The following PHACTR1 variants were observed in gnomAD, a reference collection of about 807,000 sequenced individuals.
PHACTR1 encodes the protein phosphatase and actin regulator 1.
PHACTR1 carries 16 observed loss-of-function variants against 69.2 expected under a neutral mutation model. The ratio of observed to expected loss-of-function variants is 0.23; its 90% confidence interval spans 0.16 to 0.35. The LOEUF (loss-of-function observed/expected upper bound fraction) is 0.35, where lower values mean the gene tolerates loss of function less well. Ranked by LOEUF, PHACTR1 falls within the 10% of genes least tolerant of loss-of-function variation. The pLI, the probability that PHACTR1 is intolerant of heterozygous loss-of-function variation, is 1.00. For missense variants in PHACTR1, 510 were observed against 734.7 expected (o/e 0.69, Z 3.54); for synonymous variants, 312 against 284.5 (o/e 1.10, Z -0.97).
At position 13,179,512 on chromosome 6, in the gene PHACTR1, T is replaced by C. The variant is rs2113700276; in HGVS notation, c.497-3007T>C. ...GTGGCAGTATTACTCCATCCTTAAA[T>C]GAATCCAAGTAAAATAGTTTTTACT... On this transcript the variant is annotated intron_variant, in intron 6 of 14. Transcript: ENST00000332995. The surrounding 1 kb of genome is among the most constrained non-coding windows in gnomAD (Gnocchi z 4.2). Among the ~76,000 whole-genome samples the C allele has an allele frequency of 6.6e-6, 1 of 151,990 alleles. No individual in the cohort carries two copies. Among genetic ancestry groups the C allele is most frequent in the African/African-American group, 2.4e-5 (1 of 41,448 alleles).
At chr6:13,215,001 C>T (rs1767450715) in intron 8 of PHACTR1, among the ~76,000 whole-genome samples, 1 of 152,172 alleles carries the variant, frequency 6.6e-6, no homozygotes, top group East Asian at 1.9e-4. Context: ...CTACCTCTTC[C>T]TGTCCCAAAG....
chr6:12,982,171 T>C (rs140548439), intron 4 of PHACTR1, among the ~76,000 whole-genome samples: 250 of 152,320 alleles, frequency 1.6e-3, no homozygotes, highest in African/African-American at 5.7e-3. Flanking sequence ...ATCCTCATTC[T>C]TAGGCTTTCC....
chr6:13,183,831 T>C (rs1762495778), intron 7 of PHACTR1, among the ~76,000 whole-genome samples: 2 of 152,206 alleles, frequency 1.3e-5, no homozygotes, highest in Admixed American at 1.3e-4. Context: ...AAATCTGTCA[T>C]TCCAGCAGAA....
At chr6:13,073,814 G>A (rs1228472053) in intron 5 of PHACTR1, among the ~76,000 whole-genome samples, 1 of 151,904 alleles carries the variant, frequency 6.6e-6, no homozygotes, top group Non-Finnish European at 1.5e-5. Flanking sequence ...TATCCCATAG[G>A]CAGTAGGTCA....
chr6:13,145,994 T>G (rs920462096), intron 5 of PHACTR1, among the ~76,000 whole-genome samples: 1 of 152,222 alleles, frequency 6.6e-6, no homozygotes, highest in Non-Finnish European at 1.5e-5. Context: ...GCAGATCTGC[T>G]TGACAAACTG....
intron 5 of PHACTR1, among the ~76,000 whole-genome samples, chr6:13,095,535 T>C (rs921103583): frequency 6.6e-6 from 1 of 151,862 alleles, no homozygotes; most frequent in South Asian, 2.1e-4. Context: ...AAAAAAAAAA[T>C]ATGTATTGTG....
chr6:12,734,752 G>A (rs866145184), intron 3 of PHACTR1, among the ~76,000 whole-genome samples: 5 of 152,280 alleles, frequency 3.3e-5, no homozygotes, highest in Middle Eastern at 6.8e-3. Context: ...GATGGGCGGA[G>A]TTTAGATATG....
chr6:13,002,782 T>C (rs1283472083), intron 4 of PHACTR1, among the ~76,000 whole-genome samples: 1 of 152,226 alleles, frequency 6.6e-6, no homozygotes, highest in Non-Finnish European at 1.5e-5. Context: ...GCAAATATGA[T>C]AATATGCCCT....
intron 4 of PHACTR1, among the ~76,000 whole-genome samples, chr6:12,963,944 C>T (rs1478784355): frequency 2.0e-5 from 3 of 152,128 alleles, no homozygotes; most frequent in Non-Finnish European, 2.9e-5. Flanking sequence ...TTAGGACAAA[C>T]GTTCAGAAAC....
At chr6:12,743,648 A>C (rs1011424537) in intron 3 of PHACTR1, among the ~76,000 whole-genome samples, 2 of 152,186 alleles carry the variant, frequency 1.3e-5, no homozygotes, top group African/African-American at 4.8e-5. Flanking sequence ...GAGCACCCAG[A>C]TTCATAAAGC....
intron 4 of PHACTR1, among the ~76,000 whole-genome samples, chr6:12,887,272 T>G (rs77728505): frequency 6.6e-6 from 1 of 152,182 alleles, no homozygotes; most frequent in Admixed American, 6.5e-5. Context: ...AAAGGAAGAA[T>G]GGAGGGACTT....
chr6:13,273,564 G>C (rs988694026), intron 11 of PHACTR1: 2 of 151,486 alleles, frequency 1.3e-5, no homozygotes, highest in East Asian at 1.9e-4. Context: ...AGAGACATTT[G>C]AATATGTACA....
chr6:13,285,898 GAA>G (rs1280731663), intron 13 of PHACTR1, among the ~76,000 whole-genome samples: 1 of 152,178 alleles, frequency 6.6e-6, no homozygotes, highest in Admixed American at 6.5e-5. Context: ...ACAGCTCTAT[GAA>G]AAGAGGAAGA....
chr6:12,884,377 G>C (rs1029186225), intron 4 of PHACTR1, among the ~76,000 whole-genome samples: 2 of 151,888 alleles, frequency 1.3e-5, no homozygotes, highest in African/African-American at 2.4e-5. Context: ...GTTCAGTCCA[G>C]ACAAGTACAT....
At chr6:13,133,495 C>G (rs1271693302) in intron 5 of PHACTR1, among the ~76,000 whole-genome samples, 1 of 152,024 alleles carries the variant, frequency 6.6e-6, no homozygotes, top group South Asian at 2.1e-4. Context: ...CGGGGTTTCG[C>G]CGTGTTGGCC....
At chr6:12,816,185 A>G (rs545719619) in intron 4 of PHACTR1, among the ~76,000 whole-genome samples, 3 of 152,358 alleles carry the variant, frequency 2.0e-5, no homozygotes, top group Admixed American at 6.5e-5. Context: ...CATTAACGTA[A>G]AGAAGCTGTT....
intron 4 of PHACTR1, among the ~76,000 whole-genome samples, chr6:12,847,733 T>G (rs912086176): frequency 6.6e-6 from 1 of 152,122 alleles, no homozygotes; most frequent in South Asian, 2.1e-4. Flanking sequence ...GGTAATAAAC[T>G]ATTTAAAAAG....
intron 6 of PHACTR1, among the ~76,000 whole-genome samples, chr6:13,180,986 G>C (rs1369974676): frequency 6.6e-6 from 1 of 150,660 alleles, no homozygotes; most frequent in Admixed American, 6.6e-5. Flanking sequence ...TAAAAAAGCG[G>C]AATTAAAAAA....
chr6:12,772,840 G>A (rs115104149), intron 4 of PHACTR1, among the ~76,000 whole-genome samples: 93 of 152,276 alleles, frequency 6.1e-4, no homozygotes, highest in African/African-American at 2.0e-3. Context: ...ATGATAGTCC[G>A]TGTTTAAAGT....
Sources: allele counts gnomAD v4.1 joint callset (sites outside exome capture counted in the v4.1 genomes callset), GRCh38; gene constraint gnomAD v4.1.1; non-coding constraint Gnocchi (gnomAD v3.1); transcripts MANE v1.5; gene names NCBI Gene and HGNC (gene_info 2026-07-23, HGNC 2026-07-21).